The following ROBO2 variants were observed in gnomAD, a reference collection of about 807,000 sequenced individuals.
The protein encoded by ROBO2 is roundabout guidance receptor 2, also known as roundabout homolog 2.
ROBO2 carries 53 observed loss-of-function variants against 160.8 expected under a neutral mutation model. The ratio of observed to expected loss-of-function variants is 0.33; its 90% CI spans 0.26 to 0.41. The LOEUF (loss-of-function observed/expected upper bound fraction) is 0.41. ROBO2 is among the 10% of genes least tolerant of loss of function. ROBO2 has a pLI of 1.00. For synonymous variants in ROBO2, 664 were observed against 611.7 expected (o/e 1.09, Z -1.26); for missense variants, 1,577 against 1,722.4 (o/e 0.92, Z 1.49).
At chr3:77,259,518 A>G (rs932584121) in intron 2 of ROBO2, among the ~76,000 whole-genome samples, 4 of 152,194 alleles carry the variant, frequency 2.6e-5, no homozygotes, top group African/African-American at 9.7e-5. Context: ...GCTGAACGAA[A>G]GTACTAAAAA....
chr3:77,644,095 G>C (rs1271082651), intron 24 of ROBO2, among the ~76,000 whole-genome samples: 1 of 145,566 alleles, frequency 6.9e-6, no homozygotes, highest in Non-Finnish European at 1.5e-5. Flanking sequence ...CATATGTCAT[G>C]AGTTATTTGT....
At chr3:77,317,008 T>C (rs2064064957) in intron 2 of ROBO2, 2 of 1,525,782 alleles carry the variant, frequency 1.3e-6, no homozygotes, top group Non-Finnish European at 1.8e-6. Flanking sequence ...CAACTTCTTG[T>C]TCACCTTCTG....
At chr3:77,226,617 G>A (rs971102109) in intron 2 of ROBO2, among the ~76,000 whole-genome samples, 5 of 151,942 alleles carry the variant, frequency 3.3e-5, no homozygotes, top group Non-Finnish European at 4.4e-5. Context: ...CTTATGATGG[G>A]GTTATGTCCT....
chr3:77,646,132 T>G (rs1583495412), exon 26 of ROBO2: 1 of 1,067,306 alleles, frequency 9.4e-7, no homozygotes, highest in Non-Finnish European at 1.4e-6. Flanking sequence ...CTCTAAACAG[T>G]GCAATGAACA....
chr3:77,493,340 C>T (rs773876078), exon 5 of ROBO2: 4 of 1,613,908 alleles, frequency 2.5e-6, no homozygotes, highest in Non-Finnish European at 3.4e-6. Context: ...CCTCAACCAA[C>T]TGTGAGGTGG....
intron 2 of ROBO2, among the ~76,000 whole-genome samples, chr3:77,109,247 G>A (rs971089457): frequency 2.6e-5 from 4 of 152,188 alleles, no homozygotes; most frequent in African/African-American, 4.8e-5. Context: ...TTTGTTTGAT[G>A]GGTATAGAGT....
At chr3:76,691,552 A>G (rs1189001885) in intron 2 of ROBO2, among the ~76,000 whole-genome samples, 1 of 152,206 alleles carries the variant, frequency 6.6e-6, no homozygotes, top group Non-Finnish European at 1.5e-5. Context: ...TGGAAGTATG[A>G]TAGAGCTAGA....
intron 2 of ROBO2, among the ~76,000 whole-genome samples, chr3:76,926,197 T>C (rs2076980371): frequency 6.6e-6 from 1 of 152,214 alleles, no homozygotes. Context: ...TATGCCTGCA[T>C]TTCTTGGACT....
At chr3:76,186,181 C>T (rs1701755096) in intron 2 of ROBO2, among the ~76,000 whole-genome samples, 1 of 151,970 alleles carries the variant, frequency 6.6e-6, no homozygotes, top group Non-Finnish European at 1.5e-5. Flanking sequence ...AATCCACCCA[C>T]CTCAGCCTCC....
At chr3:76,065,117 GA>G (rs1390036098) in intron 2 of ROBO2, among the ~76,000 whole-genome samples, 1 of 152,028 alleles carries the variant, frequency 6.6e-6, no homozygotes, top group Non-Finnish European at 1.5e-5. Flanking sequence ...ATTATTGTAA[GA>G]AACGAAAAAT....
chr3:77,258,906 T>G (rs74645419), intron 2 of ROBO2, among the ~76,000 whole-genome samples: 1 of 152,340 alleles, frequency 6.6e-6, no homozygotes, highest in East Asian at 1.9e-4. Flanking sequence ...CAAATCCTTC[T>G]TGATTGGATG....
intron 2 of ROBO2, among the ~76,000 whole-genome samples, chr3:77,347,678 G>T (rs1400407839): frequency 6.6e-6 from 1 of 151,934 alleles, no homozygotes; most frequent in Non-Finnish European, 1.5e-5. Flanking sequence ...TTAGAGTATT[G>T]ATCTAAATAG....
intron 1 of ROBO2, among the ~76,000 whole-genome samples, chr3:75,927,268 A>G (rs1047999522): frequency 2.0e-5 from 3 of 152,214 alleles, no homozygotes; most frequent in African/African-American, 7.2e-5. Context: ...AAGAAAATCC[A>G]ATTTTTAAAT....
chr3:77,138,136 G>A (rs902679057), intron 2 of ROBO2, among the ~76,000 whole-genome samples: 11 of 152,030 alleles, frequency 7.2e-5, no homozygotes, highest in African/African-American at 2.4e-4. Context: ...TTGAAAATAT[G>A]GTTCAATTGT....
chr3:76,475,052 T>C (rs970445514), intron 2 of ROBO2, among the ~76,000 whole-genome samples: 5 of 149,640 alleles, frequency 3.3e-5, no homozygotes, highest in African/African-American at 1.2e-4. Context: ...CCCACCAAGA[T>C]AGGAAGATGG....
At chr3:77,271,282 T>C (rs2059475606) in intron 2 of ROBO2, among the ~76,000 whole-genome samples, 1 of 152,220 alleles carries the variant, frequency 6.6e-6, no homozygotes, top group Admixed American at 6.5e-5. Context: ...TTCATGTTTT[T>C]CTAACAGTTT....
At chr3:77,485,290 G>A (rs1234830952) in intron 4 of ROBO2, among the ~76,000 whole-genome samples, 2 of 152,064 alleles carry the variant, frequency 1.3e-5, no homozygotes, top group South Asian at 2.1e-4. Context: ...TTATACTTTA[G>A]TTAGGGAATT....
chr3:76,634,930 A>C (rs2090241581), intron 2 of ROBO2, among the ~76,000 whole-genome samples: 1 of 152,166 alleles, frequency 6.6e-6, no homozygotes, highest in Non-Finnish European at 1.5e-5. Flanking sequence ...CCCTATTGTG[A>C]ATTGCGCATG....
intron 9 of ROBO2, among the ~76,000 whole-genome samples, chr3:77,560,978 A>G (rs1375744817): frequency 1.3e-5 from 2 of 152,152 alleles, no homozygotes; most frequent in East Asian, 3.9e-4. Context: ...TCTAATGACT[A>G]TAATGTGTGC....
Sources: allele counts gnomAD v4.1 joint callset (sites outside exome capture counted in the v4.1 genomes callset), GRCh38; gene constraint gnomAD v4.1.1; transcripts MANE v1.5; gene names NCBI Gene and HGNC (gene_info 2026-07-23, HGNC 2026-07-21).